Variants in CSNK1G1 observed in about 807,000 individuals in gnomAD.
CSNK1G1 encodes the protein casein kinase I isoform gamma-1.
In CSNK1G1, 22 loss-of-function variants were observed where a neutral mutation model predicts 59.6. The observed-to-expected ratio is 0.37, with a 90% CI of 0.26 to 0.53. The LOEUF is 0.53. Ranked by LOEUF, CSNK1G1 falls within the 20% of genes least tolerant of loss-of-function variation. The pLI is 0.89. For synonymous variants in CSNK1G1, 179 were observed against 177.1 expected (o/e 1.01, Z -0.08); for missense variants, 384 against 519.5 (o/e 0.74, Z 2.54).
At chr15:64,207,661 G>C (rs1367368192) in intron 6 of CSNK1G1, 67 bp from the exon 7 acceptor site, 17 of 1,214,454 alleles carry the variant, frequency 1.4e-5, no homozygotes, top group Non-Finnish European at 2.1e-5. Flanking sequence ...TCAAAACCAA[G>C]TAATCCCTTC....
chr15:64,355,725 C>G (rs1022963589), intron 1 of CSNK1G1, among the ~76,000 whole-genome samples: 1 of 152,162 alleles, frequency 6.6e-6, no homozygotes, highest in Non-Finnish European at 1.5e-5. Flanking sequence ...CCGGTCCACA[C>G]CGGCTAGAGT....
At chr15:64,299,645 A>G (rs1429949564) in intron 2 of CSNK1G1, among the ~76,000 whole-genome samples, 6 of 151,810 alleles carry the variant, frequency 4.0e-5, no homozygotes, top group African/African-American at 1.5e-4. Context: ...CCTTCTTCCC[A>G]ATCTCACATT....
intron 2 of CSNK1G1, among the ~76,000 whole-genome samples, chr15:64,282,340 C>T (rs1233704762): frequency 6.6e-6 from 1 of 152,046 alleles, no homozygotes; most frequent in Non-Finnish European, 1.5e-5. Flanking sequence ...GATCTCAGCT[C>T]ACTGCAACCT....
At chr15:64,332,080 T>G (rs1394404663) in intron 1 of CSNK1G1, among the ~76,000 whole-genome samples, 1 of 145,532 alleles carries the variant, frequency 6.9e-6, no homozygotes, top group East Asian at 2.1e-4. Context: ...TTGGTGGGAC[T>G]GTAAACTAGT....
intron 2 of CSNK1G1, among the ~76,000 whole-genome samples, chr15:64,259,719 A>G (rs1288792031): frequency 1.3e-5 from 2 of 152,206 alleles, no homozygotes; most frequent in Admixed American, 1.3e-4. Flanking sequence ...GACAGTGTGA[A>G]TAAAACCAAT....
intron 2 of CSNK1G1, among the ~76,000 whole-genome samples, chr15:64,274,143 G>GTTACCCTTTTA (rs75279917): frequency 0.19 from 29,571 of 152,002 alleles, 3,997 homozygotes; most frequent in African/African-American, 0.39. Flanking sequence ...TCAAATACAT[G>GTTACCCTTTTA]TTACCCTTTT....
At chr15:64,261,697 C>A (rs903444507) in intron 2 of CSNK1G1, among the ~76,000 whole-genome samples, 4 of 152,110 alleles carry the variant, frequency 2.6e-5, no homozygotes, top group Non-Finnish European at 4.4e-5. Flanking sequence ...GTAATCCCAG[C>A]ACTTGGGGAG....
At chr15:64,231,559 T>C (rs1443605659) in intron 4 of CSNK1G1, among the ~76,000 whole-genome samples, 2 of 151,496 alleles carry the variant, frequency 1.3e-5, no homozygotes, top group Non-Finnish European at 2.9e-5. Context: ...CTCAAGAATA[T>C]CTCTTTAATA....
chr15:64,322,636 G>A (rs149347727), intron 1 of CSNK1G1, among the ~76,000 whole-genome samples: 1,640 of 152,114 alleles, frequency 0.011, 30 homozygotes, highest in African/African-American at 0.031. Context: ...GCAACATGGT[G>A]AAACCCTGTC....
intron 11 of CSNK1G1, among the ~76,000 whole-genome samples, chr15:64,175,848 T>A (rs1428348407): frequency 6.6e-6 from 1 of 152,184 alleles, no homozygotes; most frequent in Non-Finnish European, 1.5e-5. Context: ...CATTGCAGAA[T>A]GTGAGATTAT....
At chr15:64,179,885 C>T (rs1000865868) in intron 11 of CSNK1G1, among the ~76,000 whole-genome samples, 1 of 152,198 alleles carries the variant, frequency 6.6e-6, no homozygotes, top group Admixed American at 6.5e-5. Context: ...CTGACTTAGT[C>T]TCTCTGAAGC....
chr15:64,310,635 T>G (rs560386206), intron 1 of CSNK1G1, among the ~76,000 whole-genome samples: 1 of 151,970 alleles, frequency 6.6e-6, no homozygotes, highest in African/African-American at 2.4e-5. Context: ...AAGGATCCCT[T>G]GAGCCTAGGA....
intron 2 of CSNK1G1, among the ~76,000 whole-genome samples, chr15:64,262,152 C>A (rs982497331): frequency 5.9e-5 from 9 of 151,682 alleles, no homozygotes; most frequent in African/African-American, 1.9e-4. Context: ...ATATTTAATG[C>A]CCATCTACAC....
intron 1 of CSNK1G1, among the ~76,000 whole-genome samples, chr15:64,352,865 G>A (rs1365837423): frequency 6.6e-6 from 1 of 151,952 alleles, no homozygotes; most frequent in Admixed American, 6.6e-5. Context: ...AAAGCTGGCG[G>A]ATCACTTGAG....
chr15:64,270,816 C>T (rs957293028), intron 2 of CSNK1G1, among the ~76,000 whole-genome samples: 2 of 150,900 alleles, frequency 1.3e-5, no homozygotes, highest in African/African-American at 4.9e-5. Context: ...TATGTTGTAT[C>T]TTCGTTCTCA....
Position 64,210,696 on chromosome 15 carries a change from T to C in CSNK1G1, c.680-3102A>G, listed in dbSNP as rs570878542. Among the ~76,000 whole-genome samples, 1 of 152,268 alleles carries C rather than the reference T, an allele frequency of 6.6e-6. No homozygotes were observed. Among genetic ancestry groups the C allele is most frequent in the Admixed American group, 6.5e-5 (1 of 15,292 alleles). Reference sequence around the variant, plus strand: ...AATTTCAACCATTAAATAATATAAATTGGGCTTCTCAGTAAAAGCTTAATC... The same window carrying C: ...AATTTCAACCATTAAATAATATAAACTGGGCTTCTCAGTAAAAGCTTAATC... On this transcript the variant is annotated intron_variant, in intron 6 of 11. Transcript: ENST00000303052. The surrounding 1 kb of genome is among the most constrained non-coding windows in gnomAD (Gnocchi z 4.2).
intron 4 of CSNK1G1, among the ~76,000 whole-genome samples, chr15:64,223,592 C>G (rs2082419036): frequency 6.6e-6 from 1 of 152,160 alleles, no homozygotes; most frequent in Admixed American, 6.5e-5. Context: ...GCATAGAAAC[C>G]TGGAAACTAA....
intron 1 of CSNK1G1, among the ~76,000 whole-genome samples, chr15:64,346,266 C>A (rs968443824): frequency 6.7e-6 from 1 of 150,264 alleles, no homozygotes; most frequent in Non-Finnish European, 1.5e-5. Context: ...CAATTGGTCA[C>A]CCATGTGCAT....
intron 11 of CSNK1G1, 101 bp from the exon 12 acceptor site, chr15:64,172,086 G>T: frequency 1.9e-6 from 2 of 1,069,790 alleles, no homozygotes; most frequent in Non-Finnish European, 2.9e-6. Context: ...TTTCCCCCTA[G>T]CACCCACCCA....
Sources: allele counts gnomAD v4.1 joint callset (sites outside exome capture counted in the v4.1 genomes callset), GRCh38; gene constraint gnomAD v4.1.1; non-coding constraint Gnocchi (gnomAD v3.1); transcripts MANE v1.5; gene names NCBI Gene and HGNC (gene_info 2026-07-23, HGNC 2026-07-21).